TTLL11: variants seen among roughly 807,000 people sequenced by gnomAD.
TTLL11 encodes tubulin tyrosine ligase like 11, also known as tubulin polyglutamylase TTLL11.
In TTLL11, 42 loss-of-function variants were observed where a neutral mutation model predicts 51.7. The observed-to-expected ratio is 0.81, with a 90% CI of 0.64 to 1.05. The LOEUF (loss-of-function observed/expected upper bound fraction) is 1.05, where lower values mean the gene tolerates loss of function less well. TTLL11 is among the 50% of genes least tolerant of loss of function. TTLL11 has a pLI of 0.00. For missense variants in TTLL11, 799 were observed against 940.4 expected, an observed-to-expected ratio of 0.85 and a Z score of 1.97; for synonymous variants, 381 against 383.5, an observed-to-expected ratio of 0.99 and a Z score of 0.08.
chr9:122,050,530 C>A (rs1291949014), intron 1 of TTLL11, among the ~76,000 whole-genome samples: 1 of 152,004 alleles, frequency 6.6e-6, no homozygotes, highest in East Asian at 1.9e-4. Flanking sequence ...AAATTTTATT[C>A]TTCTTTCTAT....
At chr9:122,018,359 G>A (rs573403575) in intron 3 of TTLL11, among the ~76,000 whole-genome samples, 3 of 152,066 alleles carry the variant, frequency 2.0e-5, no homozygotes, top group Admixed American at 6.5e-5. Context: ...TGATCTGCCC[G>A]CCTCGGCCTC....
At chr9:121,988,923 T>C (rs1564343505) in intron 4 of TTLL11, 5 of 628,920 alleles carry the variant, frequency 8.0e-6, no homozygotes, top group Middle Eastern at 4.3e-4. Flanking sequence ...ACATGTGTTA[T>C]CTCATTTAAT....
intron 1 of TTLL11, among the ~76,000 whole-genome samples, chr9:122,057,592 G>T (rs960645614): frequency 6.6e-6 from 1 of 152,064 alleles, no homozygotes; most frequent in Non-Finnish European, 1.5e-5. Context: ...CTCCCAAATC[G>T]CTGGGATTAC....
intron 1 of TTLL11, among the ~76,000 whole-genome samples, chr9:122,062,908 T>C (rs915079925): frequency 6.6e-6 from 1 of 152,022 alleles, no homozygotes; most frequent in African/African-American, 2.4e-5. Flanking sequence ...GCCTCCCCAA[T>C]AGCTGGGACT....
intron 3 of TTLL11, among the ~76,000 whole-genome samples, chr9:122,012,326 C>T (rs1843817950): frequency 6.6e-6 from 1 of 151,944 alleles, no homozygotes; most frequent in South Asian, 2.1e-4. Context: ...GAAAGATGAC[C>T]TTTAACTTCC....
chr9:122,065,312 G>A (rs1373630010), intron 1 of TTLL11, among the ~76,000 whole-genome samples: 3 of 152,122 alleles, frequency 2.0e-5, no homozygotes, highest in African/African-American at 7.2e-5. Context: ...GAAAAGGAAT[G>A]GGTAAAAAAT....
chr9:121,854,113 T>C (rs1837747547), intron 8 of TTLL11, among the ~76,000 whole-genome samples: 1 of 152,102 alleles, frequency 6.6e-6, no homozygotes, highest in Non-Finnish European at 1.5e-5. Flanking sequence ...GGAAGTTGCC[T>C]AACTTCCCTG....
At chr9:121,944,482 G>T (rs1841597263) in intron 6 of TTLL11, among the ~76,000 whole-genome samples, 1 of 151,132 alleles carries the variant, frequency 6.6e-6, no homozygotes, top group Non-Finnish European at 1.5e-5. Context: ...CACCCAGCCT[G>T]GGTGACAGAG....
At chr9:122,049,877 A>G (rs1845111898) in intron 1 of TTLL11, among the ~76,000 whole-genome samples, 3 of 152,210 alleles carry the variant, frequency 2.0e-5, no homozygotes, top group Admixed American at 2.0e-4. Context: ...AAGCATTTCA[A>G]CTGACTGAGG....
In TTLL11 at chr9:121,820,613, C is replaced by T. The variant is rs1303380722; in HGVS notation, c.*1974G>A. 1.3e-5 allele frequency among the ~76,000 whole-genome samples: 2 copies of T among 152,090 alleles called. No homozygotes were observed. The highest frequency in any genetic ancestry group is 4.8e-5 in the African/African-American group (2 of 41,400). ...GACAAGGAGCCAAAGACAGACACAC[C>T]TGGACCAAGTCCTGACTACATGGCC... On this transcript the variant is annotated 3_prime_UTR_variant, in exon 9 of 9. Coordinates refer to ENST00000321582, the MANE Select transcript of TTLL11 (RefSeq NM_001139442.2).
chr9:122,006,953 T>C (rs72765982), intron 3 of TTLL11, among the ~76,000 whole-genome samples: 5,522 of 115,242 alleles, frequency 0.048, 110 homozygotes, highest in African/African-American at 0.072. Context: ...GCCACTCCAC[T>C]CCTCGGTGGC....
rs147824136 is a variant in TTLL11, at chr9:121,953,488, C to T, written c.1481+20521G>A. 3.0e-3 allele frequency among the ~76,000 whole-genome samples: 463 copies of T among 151,988 alleles called. 3 individuals carry two copies. Among genetic ancestry groups the T allele is most frequent in the African/African-American group, 0.011 (452 of 41,456 alleles). ...CTCTACTAAAAAATACAAAATTAGC[C>T]AGGCATGGTGGCGTGTGCCTGTAGT... On this transcript the variant is annotated intron_variant, in intron 6 of 8. Coordinates refer to ENST00000321582, the MANE Select transcript of TTLL11 (RefSeq NM_001139442.2).
In TTLL11 at chr9:121,995,218, G is replaced by A. The variant is rs1260211286; in HGVS notation, c.694-5448C>T. Among the ~76,000 whole-genome samples, 1 of 152,154 alleles carries A rather than the reference G, an allele frequency of 6.6e-6. No homozygotes were observed. Among genetic ancestry groups the A allele is most frequent in the Non-Finnish European group, 1.5e-5 (1 of 68,036 alleles). ...TAGAGAGGAAGAAGAGGGCACCTGG[G>A]AGCCAGAGGCTGGAACGGGCAGAAC... On this transcript the variant is annotated intron_variant, in intron 3 of 8. Transcript: ENST00000321582. The surrounding 1 kb of genome is among the most constrained non-coding windows in gnomAD (Gnocchi z 4.4).
At chr9:122,089,148 C>T (rs2131942662) in intron 1 of TTLL11, among the ~76,000 whole-genome samples, 1 of 152,226 alleles carries the variant, frequency 6.6e-6, no homozygotes, top group South Asian at 2.1e-4. Context: ...CCTCACTATG[C>T]ACCCATAAAA....
intron 6 of TTLL11, among the ~76,000 whole-genome samples, chr9:121,891,051 G>A (rs1314715409): frequency 6.6e-6 from 1 of 152,136 alleles, no homozygotes; most frequent in Non-Finnish European, 1.5e-5. Context: ...GCTGGTTTGT[G>A]GGGCCCCCTT....
At chr9:122,026,909 T>TAAA (rs57149192) in intron 3 of TTLL11, among the ~76,000 whole-genome samples, 17 of 119,940 alleles carry the variant, frequency 1.4e-4, no homozygotes, top group Non-Finnish European at 2.4e-4. Context: ...AAGTTCATTC[T>TAAA]AAAAAAAAAA....
chr9:121,924,619 T>C (rs966590255), intron 6 of TTLL11, among the ~76,000 whole-genome samples: 8 of 151,700 alleles, frequency 5.3e-5, no homozygotes, highest in African/African-American at 1.9e-4. Context: ...GAGGAGAAGA[T>C]GACAGGTGGA....
chr9:122,080,801 T>C (rs1564389524), intron 1 of TTLL11, among the ~76,000 whole-genome samples: 1 of 151,890 alleles, frequency 6.6e-6, no homozygotes, highest in Non-Finnish European at 1.5e-5. Flanking sequence ...ACCAGGAAAA[T>C]AAATAATGAA....
At chr9:121,935,237 G>A (rs1287740293) in intron 6 of TTLL11, among the ~76,000 whole-genome samples, 4 of 152,092 alleles carry the variant, frequency 2.6e-5, no homozygotes, top group Non-Finnish European at 2.9e-5. Flanking sequence ...GATTACAAGC[G>A]TGAGCCACCA....
Sources: gnomAD v4.1 joint callset for allele counts (sites outside exome capture counted in the v4.1 genomes callset) on GRCh38, gnomAD v4.1.1 for gene constraint, Gnocchi (gnomAD v3.1) non-coding constraint, MANE v1.5 for transcripts, NCBI Gene and HGNC (gene_info 2026-07-23, HGNC 2026-07-21) for gene names.